Variants in SUN1 observed in about 807,000 individuals in gnomAD.
The protein encoded by SUN1 is Sad1 and UNC84 domain containing 1, also known as SUN domain-containing protein 1.
SUN1 carries 61 observed loss-of-function variants against 103.2 expected under a neutral mutation model. That is an observed-to-expected ratio of 0.59 (90% CI 0.48 to 0.73). SUN1 has a LOEUF of 0.73. Ranked by LOEUF, SUN1 falls within the 30% of genes least tolerant of loss-of-function variation. The pLI is 0.00. For synonymous variants in SUN1, 490 were observed against 425.7 expected (o/e 1.15, Z -1.86); for missense variants, 1,052 against 1,034.6 (o/e 1.02, Z -0.23).
intron 2 of SUN1, 108 bp from the exon 3 acceptor site, chr7:841,838 C>A: frequency 1.6e-6 from 2 of 1,219,884 alleles, no homozygotes; most frequent in Non-Finnish European, 2.3e-6. Flanking sequence ...AAATGGTTTG[C>A]CTTAAAATGC....
chr7:817,813 C>T (rs890387568), intron 1 of SUN1, among the ~76,000 whole-genome samples: 2 of 152,236 alleles, frequency 1.3e-5, no homozygotes, highest in African/African-American at 4.8e-5. Flanking sequence ...ATTTCCTTTT[C>T]TTTGTTTACC....
At chr7:856,437 G>C (rs1435999968) in intron 12 of SUN1, 36 bp downstream of exon 12, 2 of 1,610,836 alleles carry the variant, frequency 1.2e-6, no homozygotes, top group Non-Finnish European at 1.7e-6. Flanking sequence ...TTTTGTCTTC[G>C]GTGTGTGTGT....
In SUN1 at chr7:873,510, G is replaced by A. The variant is rs1321950485; in HGVS notation, c.*179G>A. 5 of 620,038 alleles carry A rather than the reference G, an allele frequency of 8.1e-6. No individual in the cohort carries two copies. Among genetic ancestry groups the A allele is most frequent in the Non-Finnish European group, 1.4e-5 (5 of 355,616 alleles). The allele number at this position is 620,038 out of a possible 1,614,324, so 38.4% of individuals were successfully genotyped here. ...GGCGCCTTGGCGCCACCTGTTGGGT[G>A]CTCACTGCCTCTGCAGGTGCAGAGG... On this transcript the variant is annotated 3_prime_UTR_variant, in exon 19 of 19. Transcript: ENST00000401592.
At chr7:851,209 G>A in intron 5 of SUN1, 175 bp from the exon 6 acceptor site, 1 of 521,260 alleles carries the variant, frequency 1.9e-6, no homozygotes, top group Non-Finnish European at 3.5e-6. Flanking sequence ...TCATGTCAGT[G>A]CAATATTGCC....
intron 5 of SUN1, among the ~76,000 whole-genome samples, chr7:844,926 G>A (rs897727327): frequency 6.6e-5 from 10 of 152,192 alleles, no homozygotes; most frequent in African/African-American, 2.2e-4. Flanking sequence ...GGTGCTGCAC[G>A]TGAGCCGTGG....
At chr7:844,919 G>A (rs1430291853) in intron 5 of SUN1, among the ~76,000 whole-genome samples, 1 of 152,222 alleles carries the variant, frequency 6.6e-6, no homozygotes, top group African/African-American at 2.4e-5. Context: ...CCCCGGGGGT[G>A]CTGCACGTGA....
intron 16 of SUN1, among the ~76,000 whole-genome samples, chr7:867,546 A>G (rs931034785): frequency 6.6e-6 from 1 of 152,194 alleles, no homozygotes; most frequent in Non-Finnish European, 1.5e-5. Context: ...GCATGGCTTC[A>G]GTGTCTTAGA....
At chr7:847,065 C>G (rs1288924776) in intron 5 of SUN1, among the ~76,000 whole-genome samples, 5 of 152,198 alleles carry the variant, frequency 3.3e-5, no homozygotes, top group Non-Finnish European at 7.3e-5. Flanking sequence ...GCTCCAGTGT[C>G]CCATTCTTAA....
chr7:855,540 C>T (rs1324532286), intron 11 of SUN1, among the ~76,000 whole-genome samples: 3 of 152,154 alleles, frequency 2.0e-5, no homozygotes, highest in African/African-American at 7.2e-5. Context: ...CAGAGCCTGG[C>T]GTGTCACATG....
In SUN1 at chr7:852,424, C is replaced by G. The variant is rs1037655809; in HGVS notation, c.852-185C>G. 4.8e-5 allele frequency: 33 copies of G among 689,414 alleles called. No individual in the cohort carries two copies. In the Admixed American group the frequency reaches 4.9e-4, roughly 10 times the overall value. 42.7% of individuals were successfully genotyped at this position (689,414 alleles called of 1,614,324 possible). ...GCACCAGAGAGTTGGTAACGTAGGTCTCAAAGACACCATTTTACATGAAGG... is the reference window on the plus strand; with the variant it reads ...GCACCAGAGAGTTGGTAACGTAGGTGTCAAAGACACCATTTTACATGAAGG... On this transcript the variant is annotated intron_variant, in intron 7 of 18. Transcript: ENST00000401592.
chr7:817,147 G>A (rs1312211073), intron 1 of SUN1: 3 of 439,148 alleles, frequency 6.8e-6, no homozygotes, highest in South Asian at 2.2e-5. Flanking sequence ...TATTTAAGAG[G>A]GGGGGTCTCG....
intron 9 of SUN1, 116 bp from the exon 10 acceptor site, chr7:853,293 G>T: frequency 8.4e-7 from 1 of 1,185,134 alleles, no homozygotes; most frequent in South Asian, 1.4e-5. Context: ...TCCTCCATTC[G>T]TGTGCCGTGC....
rs748982572 is a variant in SUN1, at chr7:873,651, G to C, written c.*320G>C. The C allele has an allele frequency of 4.1e-6, 1 of 245,082 alleles. No homozygotes were observed. The allele number at this position is 245,082 out of a possible 1,614,324, so 15.2% of individuals were successfully genotyped here. A position where few individuals can be genotyped will look rare whatever the true frequency, so the allele number is the denominator to read the frequency against. ...AAAGGAGCAAAGCAGAGGAAGCTGA[G>C]AGTCTGGCGTGTTCTTGACGCTTTG... On this transcript the variant is annotated 3_prime_UTR_variant, in exon 19 of 19. Coordinates refer to ENST00000401592, the MANE Select transcript of SUN1 (RefSeq NM_001130965.3).
chr7:839,686 G>A lies in SUN1; in HGVS notation c.266+700G>A, dbSNP rs1479390672. Reference sequence around the variant, plus strand: ...TCCTGCCTCAGCCTCCCGAGTAGCTGGGACTACAGGCACCCACCACCACGC... The same window carrying A: ...TCCTGCCTCAGCCTCCCGAGTAGCTAGGACTACAGGCACCCACCACCACGC... On this transcript the variant is annotated intron_variant, in intron 2 of 18. Coordinates refer to ENST00000401592, the MANE Select transcript of SUN1 (RefSeq NM_001130965.3). Among the ~76,000 whole-genome samples the A allele has an allele frequency of 4.4e-5, 5 of 113,326 alleles. 1 individual carries two copies. Among genetic ancestry groups the A allele is most frequent in the African/African-American group, 1.6e-4 (5 of 30,472 alleles). The allele number at this position is 113,326 out of a possible 152,430, so 74.3% of individuals were successfully genotyped here. A position where few individuals can be genotyped will look rare whatever the true frequency, so the allele number is the denominator to read the frequency against.
intron 5 of SUN1, chr7:850,022 G>C: frequency 6.3e-7 from 1 of 1,592,612 alleles, no homozygotes; most frequent in Non-Finnish European, 8.5e-7. Flanking sequence ...TGGCACATCT[G>C]GGCATGTGCA....
chr7:870,415 C>A (rs1010951361), intron 17 of SUN1, among the ~76,000 whole-genome samples: 4 of 151,922 alleles, frequency 2.6e-5, no homozygotes, highest in Non-Finnish European at 5.9e-5. Flanking sequence ...AATGGTGAAA[C>A]CCTGTCTCTA....
At chr7:856,180 A>G (rs1293726258) in intron 11 of SUN1, among the ~76,000 whole-genome samples, 178 bp from the exon 12 acceptor site, 3 of 152,190 alleles carry the variant, frequency 2.0e-5, no homozygotes, top group Admixed American at 2.0e-4. Flanking sequence ...GCGCACACGT[A>G]ATGAAGGTTA....
At chr7:830,638 C>T (rs1253337296), upstream of SUN1, among the ~76,000 whole-genome samples, 1 of 152,220 alleles carries the variant, frequency 6.6e-6, no homozygotes, top group African/African-American at 2.4e-5. Context: ...TCCCTACCAT[C>T]CCCATCTTCC....
rs142011077 is a variant in SUN1 at position 851,463 on chromosome 7, G to T, written c.738G>T (p.Trp246Cys). ...AVSRTAWSAL[W>C]LAVVAPGKAA... ...CCAGGACGGCGTGGTCGGCCCTTTG[G>T]CTGGCCGTGGTTGCTCCAGGTGGCT... is the stretch of plus-strand genomic sequence containing the variant. The change falls in exon 6 of 19, where the codon TGG becomes TGT. Residue 246 changes from tryptophan (W) to cysteine (C), a missense_variant. Around this residue, in one of 2 missense-constraint regions of SUN1, gnomAD observed 846 missense variants for 774.5 expected, o/e 1.09. Coordinates refer to ENST00000401592, the MANE Select transcript of SUN1 (RefSeq NM_001130965.3). 7.2e-3 allele frequency: 11,527 copies of T among 1,607,702 alleles called. 118 individuals carry two copies. The highest frequency in any genetic ancestry group is 0.029 in the Middle Eastern group (176 of 6,052).
Sources: allele counts gnomAD v4.1 joint callset (sites outside exome capture counted in the v4.1 genomes callset), GRCh38; gene constraint gnomAD v4.1.1; regional missense constraint gnomAD v4.1.1; transcripts MANE v1.5; gene names NCBI Gene and HGNC (gene_info 2026-07-23, HGNC 2026-07-21).